The following ARHGEF9 variants were observed in gnomAD, a reference collection of about 807,000 sequenced individuals.
The protein encoded by ARHGEF9 is rho guanine nucleotide exchange factor 9.
In ARHGEF9, 2 loss-of-function variants were observed where a neutral mutation model predicts 41.3. The observed-to-expected ratio is 0.05, with a 90% confidence interval of 0.02 to 0.15. ARHGEF9 has a LOEUF of 0.15. ARHGEF9 is among the 10% of genes least tolerant of loss of function. The probability of loss-of-function intolerance (pLI) is 1.00; values close to 1 mark genes in which losing one functional copy is unlikely to be tolerated. For synonymous variants in ARHGEF9, 160 were observed against 154.4 expected, an observed-to-expected ratio of 1.04 and a Z score of -0.27; for missense variants, 225 against 424.7, an observed-to-expected ratio of 0.53 and a Z score of 4.13.
intron 1 of ARHGEF9, among the ~76,000 whole-genome samples, chrX:63,758,577 C>G: frequency 8.9e-6 from 1 of 112,093 alleles, no homozygotes; most frequent in East Asian, 2.8e-4. Context: ...CTCTCATTCT[C>G]TGTTCTCTAG....
intron 4 of ARHGEF9, among the ~76,000 whole-genome samples, chrX:63,694,213 AGT>A (rs2051580732): frequency 9.0e-6 from 1 of 111,392 alleles, no homozygotes; most frequent in African/African-American, 3.3e-5. Flanking sequence ...GATAATATCA[AGT>A]GTTGATGACC....
At chrX:63,656,729 C>A (rs1464040770) in intron 7 of ARHGEF9, 1 of 110,534 alleles carries the variant, frequency 9.0e-6, no homozygotes, top group Non-Finnish European at 1.9e-5. Context: ...AAATAAGTGA[C>A]AATGATATAT....
intron 2 of ARHGEF9, among the ~76,000 whole-genome samples, chrX:63,714,083 C>A (rs559657907): frequency 8.9e-6 from 1 of 111,823 alleles, no homozygotes; most frequent in South Asian, 3.8e-4. Flanking sequence ...TTTTTGCATT[C>A]ATGGCTTCCC....
chrX:63,709,915 G>A (rs1304062603), intron 2 of ARHGEF9, among the ~76,000 whole-genome samples: 1 of 109,952 alleles, frequency 9.1e-6, no homozygotes, highest in African/African-American at 3.3e-5. Context: ...AGACAGCCAG[G>A]GAGTTAGCAA....
At chrX:63,646,490 G>T (rs1187359631) in intron 8 of ARHGEF9, among the ~76,000 whole-genome samples, 2 of 111,686 alleles carry the variant, frequency 1.8e-5, no homozygotes, top group Non-Finnish European at 3.8e-5. Context: ...ATAGGGAATT[G>T]TTTCCCCATT....
At chrX:63,650,905 G>A (rs2048503168) in intron 8 of ARHGEF9, among the ~76,000 whole-genome samples, 2 of 110,792 alleles carry the variant, frequency 1.8e-5, no homozygotes, top group Admixed American at 9.7e-5. Context: ...TGGAAGATAT[G>A]ATAATTAGAA....
At chrX:63,667,806 G>A (rs186815974) in intron 6 of ARHGEF9, among the ~76,000 whole-genome samples, 1 of 110,906 alleles carries the variant, frequency 9.0e-6, no homozygotes, top group Non-Finnish European at 1.9e-5. Context: ...TCCTTCTAGA[G>A]GGGCTGACAT....
At chrX:63,709,435 A>G (rs1556405256) in intron 2 of ARHGEF9, among the ~76,000 whole-genome samples, 1 of 112,276 alleles carries the variant, frequency 8.9e-6, no homozygotes, top group African/African-American at 3.2e-5. Flanking sequence ...AGTGCTTTCC[A>G]AATTGGAGAC....
intron 7 of ARHGEF9, chrX:63,656,619 C>T (rs1452414517): frequency 2.7e-5 from 3 of 111,718 alleles, no homozygotes; most frequent in Non-Finnish European, 5.6e-5. Context: ...GGTTTCCTTT[C>T]TATATAGTTT....
chrX:63,721,646 A>C (rs1251453647), intron 2 of ARHGEF9, among the ~76,000 whole-genome samples: 1 of 111,163 alleles, frequency 9.0e-6, no homozygotes, highest in East Asian at 2.8e-4. Context: ...GAGGCCCACC[A>C]CAGAGGTGGG....
At chrX:63,694,055 T>C (rs1399065110) in intron 4 of ARHGEF9, among the ~76,000 whole-genome samples, 3 of 110,274 alleles carry the variant, frequency 2.7e-5, no homozygotes, top group Non-Finnish European at 5.7e-5. Flanking sequence ...TAATGGCACA[T>C]GCCTGTAATC....
intron 1 of ARHGEF9, among the ~76,000 whole-genome samples, chrX:63,770,604 C>T (rs1385027780): frequency 2.7e-5 from 3 of 111,718 alleles, no homozygotes; most frequent in Admixed American, 9.5e-5. Flanking sequence ...GGACCAAGGG[C>T]GGAATAATAT....
chrX:63,674,220 T>C, intron 5 of ARHGEF9, 53 bp from the exon 6 acceptor site: 2 of 1,179,360 alleles, frequency 1.7e-6, no homozygotes, highest in East Asian at 6.0e-5. Flanking sequence ...AAAGAACCAA[T>C]GTGCTAGGTG....
intron 5 of ARHGEF9, among the ~76,000 whole-genome samples, chrX:63,675,482 T>A (rs1380853680): frequency 8.9e-6 from 1 of 112,047 alleles, no homozygotes; most frequent in Non-Finnish European, 1.9e-5. Context: ...CAGTATGGCC[T>A]TTGGCAAGCC....
intron 2 of ARHGEF9, among the ~76,000 whole-genome samples, chrX:63,718,511 C>T (rs1335947353): frequency 9.1e-6 from 1 of 110,275 alleles, no homozygotes; most frequent in African/African-American, 3.3e-5. Context: ...GGGTTGATTA[C>T]ACAGAGAAAA....
intron 1 of ARHGEF9, among the ~76,000 whole-genome samples, chrX:63,774,217 C>T (rs1440204113): frequency 9.0e-6 from 1 of 111,115 alleles, no homozygotes; most frequent in Non-Finnish European, 1.9e-5. Context: ...GGATTCTGGC[C>T]AAGGACACAT....
intron 4 of ARHGEF9, among the ~76,000 whole-genome samples, chrX:63,695,024 C>T (rs1443973928): frequency 7.1e-5 from 8 of 112,285 alleles, no homozygotes; most frequent in African/African-American, 1.9e-4. Context: ...GAAAATCATT[C>T]AATCCAAATT....
rs186828625 is a variant in ARHGEF9, at chrX:63,726,067, G to A, written c.31-1356C>T. Among the ~76,000 whole-genome samples, 140 of 111,907 alleles carry A rather than the reference G, an allele frequency of 1.3e-3. 1 individual carries two copies. Among genetic ancestry groups the A allele is most frequent in the African/African-American group, 4.4e-3 (136 of 30,814 alleles). ...TGAACACACACACACATACACACAT[G>A]CTGATCTTTGACTTAAGTTAACATG... On this transcript the variant is annotated intron_variant, in intron 1 of 9. Coordinates refer to ENST00000671741, the MANE Select transcript of ARHGEF9 (RefSeq NM_001353921.2).
chrX:63,668,156 CAG>C (rs1306207300), intron 6 of ARHGEF9, among the ~76,000 whole-genome samples: 6 of 109,886 alleles, frequency 5.5e-5, no homozygotes, highest in East Asian at 2.8e-4. Context: ...TTTTTTGAGA[CAG>C]AGTCTCCCTC....
Sources: allele counts gnomAD v4.1 joint callset (sites outside exome capture counted in the v4.1 genomes callset), GRCh38; gene constraint gnomAD v4.1.1; transcripts MANE v1.5; gene names NCBI Gene and HGNC (gene_info 2026-07-23, HGNC 2026-07-21).